Variants in ALDH1A3 observed in about 807,000 individuals in gnomAD.
ALDH1A3 encodes the protein aldehyde dehydrogenase 1 family member A3, also known as retinaldehyde dehydrogenase 3.
In ALDH1A3, 28 loss-of-function variants were observed where a neutral mutation model predicts 57.5. The ratio of observed to expected loss-of-function variants is 0.49; its 90% CI spans 0.36 to 0.67. The LOEUF is 0.67. Among genes scored for constraint, ALDH1A3 ranks in the 30% least tolerant of loss-of-function variants. ALDH1A3 has a pLI of 0.00. For synonymous variants in ALDH1A3, 281 were observed against 264.8 expected (o/e 1.06, Z -0.59); for missense variants, 507 against 669.4 (o/e 0.76, Z 2.68).
chr15:100,890,769 A>G (rs1187100332), intron 3 of ALDH1A3, among the ~76,000 whole-genome samples: 2 of 152,242 alleles, frequency 1.3e-5, no homozygotes, highest in Non-Finnish European at 2.9e-5. Flanking sequence ...ATCCCAGAAA[A>G]GAGCAAAGAA....
At chr15:100,909,569 C>G (rs1431986905) in intron 12 of ALDH1A3, among the ~76,000 whole-genome samples, 1 of 149,742 alleles carries the variant, frequency 6.7e-6, no homozygotes, top group Admixed American at 6.6e-5. Context: ...AAACCCACTG[C>G]AAACCCCTTC....
chr15:100,900,594 T>C lies in ALDH1A3; in HGVS notation c.903T>C (p.Cys301=), dbSNP rs2041757079. The change falls in exon 9 of 13, where the codon TGT becomes TGC. Residue 301 remains cysteine, a synonymous_variant. Coordinates refer to ENST00000329841, the MANE Select transcript of ALDH1A3 (RefSeq NM_000693.4). ...CTCCAGTGGACTTGGCAGTGGAGTG[T>C]GCCCATCAGGGAGTGTTCTTCAACC... The part of the protein sequence containing the change: ...ADADLDLAVE[C]AHQGVFFNQG... 2 of 1,595,566 alleles carry C rather than the reference T, an allele frequency of 1.3e-6. No individual in the cohort carries two copies. The highest frequency in any genetic ancestry group is 2.3e-5 in the South Asian group (2 of 88,382).
At chr15:100,900,533 T>C (rs1348351947) in intron 8 of ALDH1A3, 42 bp from the exon 9 acceptor site, 3 of 1,535,018 alleles carry the variant, frequency 2.0e-6, no homozygotes, top group African/African-American at 1.4e-5. Flanking sequence ...ACTTAATCGC[T>C]TCCTCTCGCT....
chr15:100,884,712 G>T (rs2041578272), intron 1 of ALDH1A3, among the ~76,000 whole-genome samples: 1 of 152,120 alleles, frequency 6.6e-6, no homozygotes, highest in East Asian at 1.9e-4. Context: ...GCTGGGGAGG[G>T]ACATGCTGAT....
In ALDH1A3 at chr15:100,916,587, C is replaced by G. The variant is rs2041931859; in HGVS notation, c.*1814C>G. 6.6e-6 allele frequency: 1 copy of G among 152,220 alleles called. No homozygotes were observed. 9.4% of individuals were successfully genotyped at this position (152,220 alleles called of 1,614,324 possible). Reference sequence around the variant, plus strand: ...GATCCTAGCTGCAGATCGCATCCCACAATGCGAGAATGATAAAATAAAATT... The same window carrying G: ...GATCCTAGCTGCAGATCGCATCCCAGAATGCGAGAATGATAAAATAAAATT... On this transcript the variant is annotated 3_prime_UTR_variant, in exon 13 of 13. Coordinates refer to ENST00000329841, the MANE Select transcript of ALDH1A3 (RefSeq NM_000693.4).
At chr15:100,908,988 T>C (rs991204894) in intron 12 of ALDH1A3, among the ~76,000 whole-genome samples, 1 of 152,118 alleles carries the variant, frequency 6.6e-6, no homozygotes, top group African/African-American at 2.4e-5. Flanking sequence ...TCTCAGTATA[T>C]GCAAGCCTAC....
intron 12 of ALDH1A3, among the ~76,000 whole-genome samples, chr15:100,909,106 CCGTGCGTGTG>C (rs2041855635): frequency 7.2e-6 from 1 of 139,542 alleles, no homozygotes; most frequent in African/African-American, 2.7e-5. Flanking sequence ...GCAAACCCCT[CCGTGCGTGTG>C]CAAACCCACT....
chr15:100,885,838 T>C (rs910256816), intron 2 of ALDH1A3, among the ~76,000 whole-genome samples: 7 of 152,182 alleles, frequency 4.6e-5, no homozygotes, highest in African/African-American at 1.7e-4. Context: ...TAGTTAACAA[T>C]GTAACCACCA....
At chr15:100,905,794 G>A in intron 10 of ALDH1A3, 107 bp downstream of exon 10, 1 of 1,216,910 alleles carries the variant, frequency 8.2e-7, no homozygotes, top group Non-Finnish European at 1.1e-6. Context: ...GTGTTTTTTT[G>A]TTTTTGTTGC....
At chr15:100,892,145 T>C (rs2041656472) in intron 3 of ALDH1A3, 1 of 235,356 alleles carries the variant, frequency 4.2e-6, no homozygotes, top group Non-Finnish European at 8.2e-6. Context: ...CACACACGAC[T>C]GGCCACACAG....
At chr15:100,904,695 G>A (rs572202552) in intron 9 of ALDH1A3, among the ~76,000 whole-genome samples, 2 of 152,306 alleles carry the variant, frequency 1.3e-5, no homozygotes, top group Admixed American at 6.5e-5. Flanking sequence ...TCCCAAAAGG[G>A]TGCGCTTTTG....
intron 9 of ALDH1A3, among the ~76,000 whole-genome samples, chr15:100,904,624 A>T (rs1157639474): frequency 6.6e-6 from 1 of 152,228 alleles, no homozygotes; most frequent in Non-Finnish European, 1.5e-5. Context: ...AGATTCCCAT[A>T]GATTTCAGGA....
chr15:100,881,319 G>C (rs931525759), intron 1 of ALDH1A3: 3 of 152,218 alleles, frequency 2.0e-5, no homozygotes, highest in Admixed American at 2.0e-4. Flanking sequence ...ATCAGCTTCA[G>C]AGTGAAAATT....
chr15:100,881,330 C>T (rs1044549774), intron 1 of ALDH1A3: 1 of 152,292 alleles, frequency 6.6e-6, no homozygotes, highest in Non-Finnish European at 1.5e-5. Flanking sequence ...AGTGAAAATT[C>T]CAACACGAAT....
chr15:100,892,539 A>G lies in ALDH1A3; in HGVS notation c.375A>G (p.Pro125=), dbSNP rs1171315636. ...AALETMDTGK[P]FLHAFFIDLE... The stretch of plus-strand genomic sequence containing the variant: ...TGGAGACGATGGATACAGGGAAGCC[A>G]TTTCTTCATGCTTTTTTCATCGACC... Residue 125 remains proline (P), a synonymous_variant, in exon 4 of 13, where the codon CCA becomes CCG. Transcript: ENST00000329841. The G allele has an allele frequency of 6.2e-7, 1 of 1,612,972 alleles. No homozygotes were observed. Among genetic ancestry groups the G allele is most frequent in the Admixed American group, 1.7e-5 (1 of 59,626 alleles).
At chr15:100,914,483 A>C (rs2041911440) in intron 12 of ALDH1A3, 3 of 464,860 alleles carry the variant, frequency 6.5e-6, no homozygotes, top group Admixed American at 3.4e-5. Flanking sequence ...AGCATCACAC[A>C]GAAGAAGACC....
Position 100,900,586 on chromosome 15 carries a change from G to T in ALDH1A3, c.895G>T (p.Val299Leu), listed in dbSNP as rs2141563644. ...CCCTCCCCCTCCAGTGGACTTGGCA[G>T]TGGAGTGTGCCCATCAGGGAGTGTT... ...VCADADLDLAVECAHQGVFFN... is the reference protein window; with the variant it reads ...VCADADLDLALECAHQGVFFN... Residue 299 changes from valine to leucine, a missense_variant, in exon 9 of 13, where the codon GTG becomes TTG. Val to Leu is a conservative substitution (Grantham distance 32). Around this residue, in one of 2 missense-constraint regions of ALDH1A3, gnomAD observed 432 missense variants for 608.4 expected, o/e 0.71. Transcript: ENST00000329841. 1 of 1,590,142 alleles carries T rather than the reference G, an allele frequency of 6.3e-7. No homozygotes were observed. The highest frequency in any genetic ancestry group is 1.1e-5 in the South Asian group (1 of 87,796).
chr15:100,897,246 G>A (rs2041714222), intron 7 of ALDH1A3, among the ~76,000 whole-genome samples: 1 of 152,204 alleles, frequency 6.6e-6, no homozygotes, highest in South Asian at 2.1e-4. Context: ...CCTTAGCATT[G>A]GAGAAAACAG....
chr15:100,910,560 G>A (rs2041873353), intron 12 of ALDH1A3, among the ~76,000 whole-genome samples: 1 of 152,234 alleles, frequency 6.6e-6, no homozygotes, highest in African/African-American at 2.4e-5. Context: ...GCTGTTTTCA[G>A]ATGAGAAAAT....
Sources: allele counts gnomAD v4.1 joint callset (sites outside exome capture counted in the v4.1 genomes callset), GRCh38; gene constraint gnomAD v4.1.1; regional missense constraint gnomAD v4.1.1; transcripts MANE v1.5; gene names NCBI Gene and HGNC (gene_info 2026-07-23, HGNC 2026-07-21).